RAD54B: variants seen among roughly 807,000 people sequenced by gnomAD.
RAD54B encodes the protein RAD54 homolog B, also known as DNA repair and recombination protein RAD54B.
In RAD54B, 78 loss-of-function variants were observed where a neutral mutation model predicts 95.8. That is an observed-to-expected ratio of 0.81 (90% CI 0.68 to 0.98). The LOEUF (loss-of-function observed/expected upper bound fraction) is 0.98. Among genes scored for constraint, RAD54B ranks in the 50% least tolerant of loss-of-function variants. RAD54B has a pLI of 0.00. For missense variants in RAD54B, 957 were observed against 1,056.6 expected, an observed-to-expected ratio of 0.91 and a Z score of 1.31; for synonymous variants, 328 against 354.9, an observed-to-expected ratio of 0.92 and a Z score of 0.85.
intron 2 of RAD54B, among the ~76,000 whole-genome samples, chr8:94,459,327 T>C (rs1196463652): frequency 6.6e-6 from 1 of 151,766 alleles, no homozygotes; most frequent in East Asian, 2.0e-4. Flanking sequence ...TAATGTTTTT[T>C]TTTCTGTAGA....
chr8:94,392,326 A>G (rs1289135908), intron 9 of RAD54B, among the ~76,000 whole-genome samples: 1 of 152,164 alleles, frequency 6.6e-6, no homozygotes, highest in Non-Finnish European at 1.5e-5. Flanking sequence ...CAGTGGCACG[A>G]TCTCGGCTCA....
At chr8:94,473,140 T>C (rs756440575) in intron 1 of RAD54B, among the ~76,000 whole-genome samples, 1 of 152,224 alleles carries the variant, frequency 6.6e-6, no homozygotes, top group Non-Finnish European at 1.5e-5. Flanking sequence ...GTTCATATTG[T>C]CCTGTCCATA....
At chr8:94,430,242 C>T (rs184231962) in intron 3 of RAD54B, 5 of 782,020 alleles carry the variant, frequency 6.4e-6, no homozygotes, top group African/African-American at 1.9e-5. Context: ...ACCCAGGAAA[C>T]GGAGATTGCA....
chr8:94,452,293 G>T (rs1270637823), intron 3 of RAD54B, among the ~76,000 whole-genome samples: 1 of 152,178 alleles, frequency 6.6e-6, no homozygotes, highest in Non-Finnish European at 1.5e-5. Context: ...CATTGTATCA[G>T]TGTTAATATC....
chr8:94,393,986 T>C, intron 8 of RAD54B, 104 bp from the exon 9 acceptor site: 1 of 1,069,634 alleles, frequency 9.3e-7, no homozygotes, highest in Non-Finnish European at 1.4e-6. Context: ...ATTTATTCCC[T>C]AAAAGGAATA....
In RAD54B at chr8:94,372,362, G is replaced by C; in HGVS notation, c.2541C>G (p.Val847=). Residue 847 remains valine, a synonymous_variant, in exon 15 of 15, where the codon GTC becomes GTG. Transcript: ENST00000336148. ...GTGGACCAAGCTGACAATCTCTAGA[G>C]ACAATGAATTTTTCCAACGAATCAC... ...HTGDSLEKFI[V]SRDCQLGPHH... 6 of 1,613,140 alleles carry C rather than the reference G, an allele frequency of 3.7e-6. No individual in the cohort carries two copies. Among genetic ancestry groups the C allele is most frequent in the Non-Finnish European group, 5.1e-6 (6 of 1,179,766 alleles).
intron 2 of RAD54B, among the ~76,000 whole-genome samples, chr8:94,463,292 C>T (rs1812948709): frequency 6.8e-6 from 1 of 148,080 alleles, no homozygotes; most frequent in Admixed American, 6.7e-5. Flanking sequence ...AAAGACAGTT[C>T]TCCAAAGAGA....
intron 8 of RAD54B, among the ~76,000 whole-genome samples, chr8:94,394,953 T>C (rs976114597): frequency 6.6e-6 from 1 of 152,112 alleles, no homozygotes; most frequent in Non-Finnish European, 1.5e-5. Flanking sequence ...ATTTAACACA[T>C]CTAGTCAGTT....
chr8:94,442,492 G>A (rs762361908), intron 3 of RAD54B, among the ~76,000 whole-genome samples: 62 of 151,106 alleles, frequency 4.1e-4, no homozygotes, highest in Admixed American at 4.0e-3. Context: ...GGAGAATGGC[G>A]TGAACCCGGG....
intron 3 of RAD54B, among the ~76,000 whole-genome samples, chr8:94,452,743 C>G (rs1266111149): frequency 2.0e-5 from 3 of 152,080 alleles, no homozygotes; most frequent in African/African-American, 7.2e-5. Flanking sequence ...ATGATCCACC[C>G]ATCTCGGCCT....
At chr8:94,428,965 G>A (rs1306092920) in intron 3 of RAD54B, 1 of 982,464 alleles carries the variant, frequency 1.0e-6, no homozygotes, top group African/African-American at 1.7e-5. Flanking sequence ...CTTTATACAG[G>A]AATTCTCATA....
At chr8:94,437,865 T>C (rs1812305340) in intron 3 of RAD54B, among the ~76,000 whole-genome samples, 1 of 152,218 alleles carries the variant, frequency 6.6e-6, no homozygotes, top group Non-Finnish European at 1.5e-5. Context: ...TTAGAATATA[T>C]TTGTTAACCC....
chr8:94,432,485 A>G (rs1290240669), intron 3 of RAD54B: 18 of 1,550,426 alleles, frequency 1.2e-5, no homozygotes, highest in Non-Finnish European at 1.4e-5. Context: ...GTACTAATTC[A>G]TGTTCTTCTC....
At chr8:94,435,641 A>G (rs1460890364) in intron 3 of RAD54B, among the ~76,000 whole-genome samples, 2 of 152,136 alleles carry the variant, frequency 1.3e-5, no homozygotes, top group Non-Finnish European at 2.9e-5. Context: ...GCAAGATAAT[A>G]CTTTTGAAAA....
Position 94,378,291 on chromosome 8 carries a change from T to C in RAD54B, c.2404A>G (p.Ile802Val). 2 of 1,613,996 alleles carry C rather than the reference T, an allele frequency of 1.2e-6. No individual in the cohort carries two copies. The highest frequency in any genetic ancestry group is 4.5e-5 in the East Asian group (2 of 44,852). The change falls in exon 14 of 15, where the codon ATT becomes GTT. Residue 802 changes from isoleucine (I) to valine (V), a missense_variant. Coordinates refer to ENST00000336148, the MANE Select transcript of RAD54B (RefSeq NM_012415.3). ...VVDLTKTSEH[I>V]QFSVEELKNL... Reference sequence around the variant, plus strand: ...TTAAGTTCTTCTACTGAAAACTGAATATGTTCAGATGTCTTGGTGAGGTCG... The same window carrying C: ...TTAAGTTCTTCTACTGAAAACTGAACATGTTCAGATGTCTTGGTGAGGTCG...
At position 94,443,982 on chromosome 8, in the gene RAD54B, T is replaced by G. The variant is rs373139936; in HGVS notation, c.304+14286A>C. ...ACTGTAAAAATAAAAAATATACAAGTTTACCAATTTTTTGAGTCTTCATTT... is the reference window on the plus strand; with the variant it reads ...ACTGTAAAAATAAAAAATATACAAGGTTACCAATTTTTTGAGTCTTCATTT... On this transcript the variant is annotated intron_variant, in intron 3 of 14. Coordinates refer to ENST00000336148, the MANE Select transcript of RAD54B (RefSeq NM_012415.3). Among the ~76,000 whole-genome samples, 43 of 152,154 alleles carry G rather than the reference T, an allele frequency of 2.8e-4. No individual in the cohort carries two copies. In the East Asian group the frequency reaches 3.3e-3, roughly 12 times the overall value.
At chr8:94,436,425 C>G (rs1812263914) in intron 3 of RAD54B, 2 of 1,449,064 alleles carry the variant, frequency 1.4e-6, no homozygotes, top group Non-Finnish European at 1.8e-6. Flanking sequence ...ATATCTCTAT[C>G]ACGACTAAGC....
At chr8:94,432,906 ATAT>A (rs1812151039) in intron 3 of RAD54B, among the ~76,000 whole-genome samples, 1 of 152,136 alleles carries the variant, frequency 6.6e-6, no homozygotes, top group Non-Finnish European at 1.5e-5. Flanking sequence ...GAAATTACAA[ATAT>A]TATAGAAGGC....
In RAD54B at chr8:94,413,930, G is replaced by T. The variant is rs370679025; in HGVS notation, c.305-2615C>A. Among the ~76,000 whole-genome samples, 9 of 151,414 alleles carry T rather than the reference G, an allele frequency of 5.9e-5. No homozygotes were observed. The East Asian group carries it at 1.4e-3, about 23-fold the overall frequency. On this transcript the variant is annotated intron_variant, in intron 3 of 14. Coordinates refer to ENST00000336148, the MANE Select transcript of RAD54B (RefSeq NM_012415.3). ...GGCTGACTGCAACCTCTGCCTCCTG[G>T]GTTCAAGCGATTCTCCTGCCTCAGC...
Sources: gnomAD v4.1 joint callset for allele counts (sites outside exome capture counted in the v4.1 genomes callset) on GRCh38, gnomAD v4.1.1 for gene constraint, MANE v1.5 for transcripts, NCBI Gene and HGNC (gene_info 2026-07-23, HGNC 2026-07-21) for gene names.